LRRC4C: variants seen among roughly 807,000 people sequenced by gnomAD.
LRRC4C encodes the protein leucine rich repeat containing 4C.
In LRRC4C, 5 loss-of-function variants were observed where a neutral mutation model predicts 33.6. The ratio of observed to expected loss-of-function variants is 0.15; its 90% CI spans 0.08 to 0.31. The LOEUF (loss-of-function observed/expected upper bound fraction) is 0.31, where lower values mean the gene tolerates loss of function less well. Among genes scored for constraint, LRRC4C ranks in the 10% least tolerant of loss-of-function variants. The pLI is 1.00. For synonymous variants in LRRC4C, 329 were observed against 302.0 expected (o/e 1.09, Z -0.93); for missense variants, 560 against 796.7 (o/e 0.70, Z 3.58).
In LRRC4C at chr11:40,329,812, G is replaced by T. The variant is rs1274744565; in HGVS notation, c.-269-10091C>A. Among the ~76,000 whole-genome samples, 5 of 147,512 alleles carry T rather than the reference G, an allele frequency of 3.4e-5. No homozygotes were observed. The East Asian group carries it at 9.9e-4, about 29-fold the overall frequency. ...GCTGGAGTGCAGTGGTGCAGTCTTG[G>T]CTCGCTGCAACATCTGCCTCCTGGG... is the stretch of plus-strand genomic sequence containing the variant. On this transcript the variant is annotated intron_variant, in intron 3 of 6. Coordinates refer to ENST00000528697, the MANE Select transcript of LRRC4C (RefSeq NM_001258419.2).
chr11:41,411,118 T>C (rs1372583448), intron 1 of LRRC4C, among the ~76,000 whole-genome samples: 17 of 149,468 alleles, frequency 1.1e-4, no homozygotes, highest in Non-Finnish European at 2.4e-4. Flanking sequence ...TGCTTTTAGA[T>C]GAGAAACACT....
At chr11:40,967,144 A>G (rs926623218) in intron 1 of LRRC4C, among the ~76,000 whole-genome samples, 1 of 151,898 alleles carries the variant, frequency 6.6e-6, no homozygotes, top group Non-Finnish European at 1.5e-5. Flanking sequence ...ATTATTTTTA[A>G]AAAGAGAAAA....
chr11:41,444,163 T>G (rs1276891673), intron 1 of LRRC4C, among the ~76,000 whole-genome samples: 1 of 152,054 alleles, frequency 6.6e-6, no homozygotes, highest in African/African-American at 2.4e-5. Context: ...AGAAAAAAAG[T>G]AATAATAATG....
intron 1 of LRRC4C, among the ~76,000 whole-genome samples, chr11:41,004,216 C>T (rs355241): frequency 0.55 from 84,000 of 151,968 alleles, 23,529 homozygotes; most frequent in South Asian, 0.62. Context: ...GACTTACTCC[C>T]GGTCTTAGGC....
chr11:40,695,863 A>G (rs748209326), intron 2 of LRRC4C, among the ~76,000 whole-genome samples: 5 of 151,966 alleles, frequency 3.3e-5, no homozygotes, highest in Non-Finnish European at 7.4e-5. Context: ...CCTTCTCAAT[A>G]TTCTTAATTT....
chr11:40,199,673 T>C (rs1038350477), intron 5 of LRRC4C, among the ~76,000 whole-genome samples: 1 of 152,216 alleles, frequency 6.6e-6, no homozygotes, highest in African/African-American at 2.4e-5. Flanking sequence ...TAGAGTTTAA[T>C]TATACAACAT....
intron 1 of LRRC4C, among the ~76,000 whole-genome samples, chr11:41,010,072 C>G (rs887329413): frequency 1.3e-5 from 2 of 152,048 alleles, no homozygotes; most frequent in East Asian, 3.9e-4. Context: ...TCAGCAAACA[C>G]CAGAAGCTAG....
chr11:40,323,475 C>T (rs944877107), intron 3 of LRRC4C, among the ~76,000 whole-genome samples: 5 of 152,160 alleles, frequency 3.3e-5, no homozygotes. Flanking sequence ...TCATAAACAG[C>T]TTCCAGACTT....
intron 3 of LRRC4C, among the ~76,000 whole-genome samples, chr11:40,569,504 T>A (rs1257706114): frequency 2.0e-5 from 3 of 152,150 alleles, no homozygotes; most frequent in African/African-American, 7.2e-5. Context: ...TAGTAGAATT[T>A]CCAATTCAGT....
chr11:41,197,196 A>G (rs559006884), intron 1 of LRRC4C, among the ~76,000 whole-genome samples: 1 of 152,066 alleles, frequency 6.6e-6, no homozygotes, highest in Admixed American at 6.6e-5. Context: ...ATTCATCCAC[A>G]GATCTCTATA....
chr11:40,798,857 T>C (rs570765220), intron 2 of LRRC4C, among the ~76,000 whole-genome samples: 66 of 152,252 alleles, frequency 4.3e-4, no homozygotes, highest in African/African-American at 1.5e-3. Context: ...TTGGCCAGGC[T>C]GTTCTTAAAC....
chr11:40,473,420 C>G (rs1013638076), intron 3 of LRRC4C, among the ~76,000 whole-genome samples: 1 of 152,126 alleles, frequency 6.6e-6, no homozygotes. Context: ...TGCTAAAACT[C>G]TCAATAAACT....
chr11:41,128,552 G>C (rs535153804), intron 1 of LRRC4C, among the ~76,000 whole-genome samples: 9 of 152,164 alleles, frequency 5.9e-5, no homozygotes, highest in African/African-American at 1.9e-4. Flanking sequence ...TTCATGACAA[G>C]TGGGAATGCT....
Position 40,679,564 on chromosome 11 carries a change from G to T in LRRC4C, c.-406-31286C>A, listed in dbSNP as rs375363772. Among the ~76,000 whole-genome samples, 28 of 152,288 alleles carry T rather than the reference G, an allele frequency of 1.8e-4. No homozygotes were observed. The East Asian group carries it at 2.7e-3, about 15-fold the overall frequency. ...GTGCAGTCTAGGGACTTGGGGCCTT[G>T]CATCCCAGCATCTCCAGCCGTGACT... On this transcript the variant is annotated intron_variant, in intron 2 of 6. Transcript: ENST00000528697.
At chr11:40,549,020 G>A (rs575432653) in intron 3 of LRRC4C, among the ~76,000 whole-genome samples, 1 of 152,024 alleles carries the variant, frequency 6.6e-6, no homozygotes, top group Non-Finnish European at 1.5e-5. Flanking sequence ...AAGCATTAAG[G>A]TTCATATTAA....
chr11:41,142,180 G>A (rs1943535782), intron 1 of LRRC4C, among the ~76,000 whole-genome samples: 1 of 151,954 alleles, frequency 6.6e-6, no homozygotes, highest in Non-Finnish European at 1.5e-5. Context: ...TAATTAATAG[G>A]TTTTCAGCTG....
intron 3 of LRRC4C, among the ~76,000 whole-genome samples, chr11:40,502,537 C>T (rs1954829139): frequency 6.6e-6 from 1 of 152,030 alleles, no homozygotes. Flanking sequence ...AAGTGGAAAC[C>T]CCTTATAAAA....
At chr11:40,630,420 TC>T (rs1236282529) in intron 3 of LRRC4C, among the ~76,000 whole-genome samples, 1,238 of 78,064 alleles carry the variant, frequency 0.016, 44 homozygotes, top group South Asian at 0.043. Flanking sequence ...CTCTTCTTCT[TC>T]TTTTTTTTTT....
chr11:40,654,686 C>T (rs1381088276), intron 2 of LRRC4C, among the ~76,000 whole-genome samples: 1 of 152,098 alleles, frequency 6.6e-6, no homozygotes. Context: ...CGAATTAAGA[C>T]TTTGGGGGAC....
Sources: allele counts gnomAD v4.1 joint callset (sites outside exome capture counted in the v4.1 genomes callset), GRCh38; gene constraint gnomAD v4.1.1; transcripts MANE v1.5; gene names NCBI Gene and HGNC (gene_info 2026-07-23, HGNC 2026-07-21).